Variants in C5orf47 observed in about 807,000 individuals in gnomAD.
C5orf47 encodes the protein chromosome 5 open reading frame 47.
A neutral mutation model predicts 20.6 loss-of-function variants in C5orf47; 20 were observed. That is an observed-to-expected ratio of 0.97 (90% CI 0.68 to 1.41). C5orf47 has a LOEUF of 1.41. Ranked by LOEUF, C5orf47 falls within the 40% of genes most tolerant of loss-of-function variation. The pLI, the probability that C5orf47 is intolerant of heterozygous loss-of-function variation, is 0.00. For synonymous variants in C5orf47, 106 were observed against 97.3 expected, an observed-to-expected ratio of 1.09 and a Z score of -0.53; for missense variants, 262 against 238.4, an observed-to-expected ratio of 1.10 and a Z score of -0.65.
At chr5:173,994,470 G>A (rs1759053945) in intron 1 of C5orf47, among the ~76,000 whole-genome samples, 2 of 152,168 alleles carry the variant, frequency 1.3e-5, no homozygotes, top group Non-Finnish European at 2.9e-5. Context: ...CAAAGGAGTT[G>A]GTGGGTGGGA....
At chr5:173,989,634 G>C (rs529523383) in intron 1 of C5orf47, 46 bp downstream of exon 1, 9 of 1,337,052 alleles carry the variant, frequency 6.7e-6, no homozygotes, top group Non-Finnish European at 8.6e-6. Flanking sequence ...GGGGCGGGAC[G>C]GGGCGGAGCG....
downstream of C5orf47, among the ~76,000 whole-genome samples, chr5:174,008,660 G>A (rs1046494554): frequency 3.3e-5 from 5 of 151,768 alleles, no homozygotes; most frequent in East Asian, 1.9e-4. Flanking sequence ...GTGAAACCCC[G>A]TCTCTACTAA....
rs117690272 is a variant in C5orf47, at chr5:173,992,895, C to T, written c.325+3307C>T. 4.1e-3 allele frequency among the ~76,000 whole-genome samples: 630 copies of T among 152,222 alleles called. 28 individuals are homozygous for T. The East Asian group carries it at 0.09, about 22-fold the overall frequency. ...ATCATCCTTTTTGTTCTTTTCACCT[C>T]AGAAACCATGCCATTGAAAGACTGC... On this transcript the variant is annotated intron_variant, in intron 1 of 4. Transcript: ENST00000340147.
chr5:173,997,059 G>T (rs1205399634), intron 1 of C5orf47, among the ~76,000 whole-genome samples: 1 of 152,178 alleles, frequency 6.6e-6, no homozygotes, highest in Non-Finnish European at 1.5e-5. Flanking sequence ...TCAACAAATG[G>T]AATACTTATT....
chr5:174,007,234 T>C (rs1177231768), downstream of C5orf47, among the ~76,000 whole-genome samples: 1 of 151,958 alleles, frequency 6.6e-6, no homozygotes, highest in African/African-American at 2.4e-5. Flanking sequence ...CTGCCTCCTT[T>C]CTCCCAGCCA....
Position 174,005,010 on chromosome 5 carries a change from A to G in C5orf47, c.*756A>G, listed in dbSNP as rs1345332107. ...AAATCATTTAGAAGTATTGTTTAAT[A>G]AGTCCTTTTTTTCTACTCAACATTA... On this transcript the variant is annotated 3_prime_UTR_variant, in exon 5 of 5. Coordinates refer to ENST00000340147, the MANE Select transcript of C5orf47 (RefSeq NM_001144954.2). The G allele has an allele frequency of 6.6e-6, 1 of 152,152 alleles. No individual in the cohort carries two copies. The highest frequency in any genetic ancestry group is 1.9e-4 in the East Asian group (1 of 5,204). The allele number at this position is 152,152 out of a possible 1,614,324, so 9.4% of individuals were successfully genotyped here. A position where few individuals can be genotyped will look rare whatever the true frequency, so the allele number is the denominator to read the frequency against.
intron 1 of C5orf47, among the ~76,000 whole-genome samples, chr5:173,997,137 A>G (rs961181699): frequency 2.0e-5 from 3 of 152,236 alleles, no homozygotes; most frequent in African/African-American, 4.8e-5. Context: ...TCCTCAAGTA[A>G]ACAGTGTGAT....
In C5orf47 at chr5:173,998,076, A is replaced by G. The variant is rs968752552; in HGVS notation, c.326-77A>G. The G allele has an allele frequency of 1.6e-5, 14 of 867,936 alleles. No individual in the cohort carries two copies. In the African/African-American group the frequency reaches 2.4e-4, roughly 15 times the overall value. The allele number at this position is 867,936 out of a possible 1,614,324, so 53.8% of individuals were successfully genotyped here. A position where few individuals can be genotyped will look rare whatever the true frequency, so the allele number is the denominator to read the frequency against. ...AAAAATCCCCAAGGAGACCTCAAGA[A>G]ACATTTATATGGTCTCTATTTTCAG... On this transcript the variant is annotated intron_variant, in intron 1 of 4. Coordinates refer to ENST00000340147, the MANE Select transcript of C5orf47 (RefSeq NM_001144954.2).
intron 4 of C5orf47, among the ~76,000 whole-genome samples, chr5:174,003,784 A>G (rs1047986335): frequency 6.6e-6 from 1 of 152,164 alleles, no homozygotes; most frequent in African/African-American, 2.4e-5. Flanking sequence ...TGAAATTCGC[A>G]GGAAATCAAG....
intron 1 of C5orf47, among the ~76,000 whole-genome samples, chr5:173,993,559 G>C (rs1429325271): frequency 4.6e-5 from 7 of 152,144 alleles, no homozygotes; most frequent in African/African-American, 1.7e-4. Flanking sequence ...CAGGAGAATG[G>C]CTTGAACCCA....
At chr5:173,989,674 A>C in intron 1 of C5orf47, 86 bp downstream of exon 1, 1 of 1,175,568 alleles carries the variant, frequency 8.5e-7, no homozygotes, top group Non-Finnish European at 1.1e-6. Flanking sequence ...ATCTTGCGGC[A>C]CGCAGGAGGC....
chr5:173,995,990 A>G (rs1188983312), intron 1 of C5orf47, among the ~76,000 whole-genome samples: 1 of 152,250 alleles, frequency 6.6e-6, no homozygotes, highest in Non-Finnish European at 1.5e-5. Flanking sequence ...CTGTCCTTAC[A>G]GAACTTGAAA....
At chr5:173,997,171 G>GGGT (rs1759113606) in intron 1 of C5orf47, among the ~76,000 whole-genome samples, 1 of 152,164 alleles carries the variant, frequency 6.6e-6, no homozygotes, top group Admixed American at 6.5e-5. Flanking sequence ...CCTGAGCAGA[G>GGGT]GGTGCTTTGT....
intron 1 of C5orf47, among the ~76,000 whole-genome samples, chr5:173,991,734 G>A (rs555923419): frequency 7.0e-4 from 106 of 152,166 alleles, no homozygotes; most frequent in South Asian, 2.7e-3. Context: ...TATAATTTTT[G>A]TATCAGTATT....
intron 1 of C5orf47, among the ~76,000 whole-genome samples, chr5:173,989,965 G>C (rs900628975): frequency 6.6e-6 from 1 of 152,154 alleles, no homozygotes; most frequent in Admixed American, 6.5e-5. Context: ...TGAGCTTTAC[G>C]TTTAAATCAG....
rs1759259861 is a variant in C5orf47, at chr5:174,004,866, A to G, written c.*612A>G. On this transcript the variant is annotated 3_prime_UTR_variant, in exon 5 of 5. Coordinates refer to ENST00000340147, the MANE Select transcript of C5orf47 (RefSeq NM_001144954.2). ...GATATATTATAATGGACTATATTAT[A>G]ATATGGAGTATTTTAGGAAAATTTT... 1 of 152,164 alleles carries G rather than the reference A, an allele frequency of 6.6e-6. No homozygotes were observed. Among genetic ancestry groups the G allele is most frequent in the Non-Finnish European group, 1.5e-5 (1 of 68,020 alleles). 9.4% of individuals were successfully genotyped at this position (152,164 alleles called of 1,614,324 possible). A position where few individuals can be genotyped will look rare whatever the true frequency, so the allele number is the denominator to read the frequency against.
intron 1 of C5orf47, among the ~76,000 whole-genome samples, chr5:173,992,507 T>G (rs1434803747): frequency 6.6e-6 from 1 of 152,168 alleles, no homozygotes; most frequent in Non-Finnish European, 1.5e-5. Flanking sequence ...TTTCTTGTGC[T>G]TTCTTTTGGT....
chr5:174,003,518 G>GA (rs1472470921), intron 4 of C5orf47, among the ~76,000 whole-genome samples: 1 of 152,048 alleles, frequency 6.6e-6, no homozygotes, highest in Non-Finnish European at 1.5e-5. Context: ...AGGTACTCAG[G>GA]AAAAAATGCT....
chr5:173,995,895 T>G (rs1394369533), intron 1 of C5orf47, among the ~76,000 whole-genome samples: 1 of 152,226 alleles, frequency 6.6e-6, no homozygotes, highest in Non-Finnish European at 1.5e-5. Flanking sequence ...TGTTTGGAAA[T>G]GTACTGAAGT....
Sources: allele counts gnomAD v4.1 joint callset (sites outside exome capture counted in the v4.1 genomes callset), GRCh38; gene constraint gnomAD v4.1.1; transcripts MANE v1.5; gene names NCBI Gene and HGNC (gene_info 2026-07-23, HGNC 2026-07-21).